Variants in CAMK1D observed in about 807,000 individuals in gnomAD.
CAMK1D encodes the protein calcium/calmodulin dependent protein kinase ID.
In CAMK1D, 9 loss-of-function variants were observed where a neutral mutation model predicts 47.7. The ratio of observed to expected loss-of-function variants is 0.19; its 90% CI spans 0.11 to 0.33. The LOEUF (loss-of-function observed/expected upper bound fraction) is 0.33, where lower values mean the gene tolerates loss of function less well. CAMK1D is among the 10% of genes least tolerant of loss of function. The pLI, the probability that CAMK1D is intolerant of heterozygous loss-of-function variation, is 1.00. For missense variants in CAMK1D, 291 were observed against 488.7 expected, an observed-to-expected ratio of 0.60 and a Z score of 3.81; for synonymous variants, 184 against 184.9, an observed-to-expected ratio of 0.99 and a Z score of 0.04.
intron 3 of CAMK1D, among the ~76,000 whole-genome samples, chr10:12,699,380 C>T (rs1452387802): frequency 6.6e-6 from 1 of 152,052 alleles, no homozygotes; most frequent in East Asian, 1.9e-4. Flanking sequence ...AAGCGTTGTA[C>T]TGGGAAAGCC....
At chr10:12,570,709 G>A (rs1387382144) in intron 2 of CAMK1D, among the ~76,000 whole-genome samples, 1 of 150,736 alleles carries the variant, frequency 6.6e-6, no homozygotes, top group Non-Finnish European at 1.5e-5. Context: ...AATCCATGAG[G>A]ACAGCAGCAC....
chr10:12,399,112 TGGG>T (rs1050359179), intron 1 of CAMK1D, among the ~76,000 whole-genome samples: 46 of 152,092 alleles, frequency 3.0e-4, no homozygotes, highest in African/African-American at 1.1e-3. Flanking sequence ...TGCATAGAGG[TGGG>T]TGAAGGTGGT....
At chr10:12,582,973 C>T (rs1837706359) in intron 2 of CAMK1D, among the ~76,000 whole-genome samples, 1 of 152,132 alleles carries the variant, frequency 6.6e-6, no homozygotes, top group Non-Finnish European at 1.5e-5. Context: ...CACAGTGGCT[C>T]ACGCCTGTAA....
At chr10:12,434,526 T>C (rs114489782) in intron 1 of CAMK1D, among the ~76,000 whole-genome samples, 3,195 of 152,300 alleles carry the variant, frequency 0.021, 121 homozygotes, top group African/African-American at 0.073. Flanking sequence ...CCGTTGTTTG[T>C]GCAAGCTGTG....
chr10:12,785,744 C>G (rs1837697196), intron 5 of CAMK1D, among the ~76,000 whole-genome samples: 1 of 152,192 alleles, frequency 6.6e-6, no homozygotes, highest in South Asian at 2.1e-4. Flanking sequence ...TCGGCTGGTT[C>G]TCAGGCAGGA....
intron 2 of CAMK1D, among the ~76,000 whole-genome samples, chr10:12,647,145 CT>C (rs397693477): frequency 0.13 from 10,246 of 75,926 alleles, 237 homozygotes; most frequent in South Asian, 0.31. Flanking sequence ...CCAGGCTAGC[CT>C]TTTTTTTTTT....
At chr10:12,664,288 G>A (rs1840361312) in intron 2 of CAMK1D, among the ~76,000 whole-genome samples, 1 of 152,182 alleles carries the variant, frequency 6.6e-6, no homozygotes, top group Non-Finnish European at 1.5e-5. Flanking sequence ...TTGATTGGTT[G>A]ATGGAGAGAT....
intron 1 of CAMK1D, among the ~76,000 whole-genome samples, chr10:12,381,214 A>ATGAATGCCGTTCCCTTCCTGGGGTG (rs1838333009): frequency 6.6e-6 from 1 of 152,228 alleles, no homozygotes; most frequent in Non-Finnish European, 1.5e-5. Context: ...AAGTTGTAGA[A>ATGAATGCCGTTCCCTTCCTGGGGTG]TGAATGCCGT....
At chr10:12,384,167 C>T (rs893652807) in intron 1 of CAMK1D, among the ~76,000 whole-genome samples, 20 of 152,176 alleles carry the variant, frequency 1.3e-4, no homozygotes, top group African/African-American at 4.3e-4. Context: ...AAGCCTTGCA[C>T]ATTGCAAACT....
In CAMK1D at chr10:12,741,227, C is replaced by G. The variant is rs1418461429; in HGVS notation, c.300-19721C>G. On this transcript the variant is annotated intron_variant, in intron 3 of 10. Transcript: ENST00000619168. ...AGTTTCCTGTCTTCTCATCACCTCT[C>G]TGAGAGCCTGAGTACTCTCAGATTT... 2.6e-5 allele frequency among the ~76,000 whole-genome samples: 4 copies of G among 152,224 alleles called. No homozygotes were observed. The East Asian group carries it at 5.8e-4, about 22-fold the overall frequency.
intron 1 of CAMK1D, among the ~76,000 whole-genome samples, chr10:12,478,904 C>T (rs1310397945): frequency 6.6e-6 from 1 of 152,188 alleles, no homozygotes; most frequent in African/African-American, 2.4e-5. Context: ...TAGTCATCGC[C>T]ACAGCGTCCT....
At chr10:12,527,888 G>A (rs1835679230) in intron 1 of CAMK1D, among the ~76,000 whole-genome samples, 1 of 152,118 alleles carries the variant, frequency 6.6e-6, no homozygotes, top group Non-Finnish European at 1.5e-5. Flanking sequence ...GCTTCATCTT[G>A]GCCAGTCCTG....
intron 2 of CAMK1D, among the ~76,000 whole-genome samples, chr10:12,635,992 C>T (rs1839503030): frequency 6.6e-6 from 1 of 152,196 alleles, no homozygotes; most frequent in Non-Finnish European, 1.5e-5. Flanking sequence ...TTCATCTAGA[C>T]ATTTTAAACA....
chr10:12,792,314 C>A (rs192653523), intron 6 of CAMK1D, among the ~76,000 whole-genome samples: 9 of 152,226 alleles, frequency 5.9e-5, no homozygotes, highest in Admixed American at 2.6e-4. Flanking sequence ...TTGCTTAAGT[C>A]TACTGTAAAG....
chr10:12,423,642 T>A (rs975917336), intron 1 of CAMK1D, among the ~76,000 whole-genome samples: 3 of 152,240 alleles, frequency 2.0e-5, no homozygotes, highest in Non-Finnish European at 4.4e-5. Context: ...TCTGTTGGTC[T>A]GGAAGCGTCA....
intron 3 of CAMK1D, among the ~76,000 whole-genome samples, chr10:12,746,141 A>G (rs1459530323): frequency 6.8e-6 from 1 of 148,136 alleles, no homozygotes; most frequent in Non-Finnish European, 1.5e-5. Flanking sequence ...AGGCGGACGG[A>G]TCCGCATGGT....
At chr10:12,392,250 C>T (rs35941692) in intron 1 of CAMK1D, among the ~76,000 whole-genome samples, 17,201 of 150,834 alleles carry the variant, frequency 0.11, 1,228 homozygotes, top group Non-Finnish European at 0.15. Context: ...TGCAGTGAGC[C>T]GAGATGGTGC....
chr10:12,715,748 A>C (rs1390962123), intron 3 of CAMK1D, among the ~76,000 whole-genome samples: 1 of 144,618 alleles, frequency 6.9e-6, no homozygotes, highest in East Asian at 2.0e-4. Context: ...TTTTAGATGA[A>C]GTCTCTCTCT....
chr10:12,513,384 G>T (rs969857288), intron 1 of CAMK1D, among the ~76,000 whole-genome samples: 1 of 152,228 alleles, frequency 6.6e-6, no homozygotes, highest in African/African-American at 2.4e-5. Flanking sequence ...CAGCCTTTCA[G>T]TGCTGAACCT....
Sources: gnomAD v4.1 joint callset for allele counts (sites outside exome capture counted in the v4.1 genomes callset) on GRCh38, gnomAD v4.1.1 for gene constraint, MANE v1.5 for transcripts, NCBI Gene and HGNC (gene_info 2026-07-23, HGNC 2026-07-21) for gene names.